CCDC171: variants seen among roughly 807,000 people sequenced by gnomAD.
CCDC171 encodes the protein coiled-coil domain containing 171.
CCDC171 carries 177 observed loss-of-function variants against 168.2 expected under a neutral mutation model. That is an observed-to-expected ratio of 1.05 (90% CI 0.93 to 1.19). The LOEUF (loss-of-function observed/expected upper bound fraction) is 1.19. Ranked by LOEUF, CCDC171 falls within the 50% of genes most tolerant of loss-of-function variation. The probability of loss-of-function intolerance (pLI) is 0.00; values close to 1 mark genes in which losing one functional copy is unlikely to be tolerated. For synonymous variants in CCDC171, 687 were observed against 540.8 expected, an observed-to-expected ratio of 1.27 and a Z score of -3.75; for missense variants, 1,991 against 1,539.0, an observed-to-expected ratio of 1.29 and a Z score of -4.91.
At chr9:15,831,267 C>T (rs927425278) in intron 21 of CCDC171, among the ~76,000 whole-genome samples, 6 of 151,970 alleles carry the variant, frequency 3.9e-5, no homozygotes, top group African/African-American at 7.3e-5. Context: ...CCACCATACC[C>T]GGCCCTTAAT....
chr9:15,606,167 T>C (rs1254930677), intron 6 of CCDC171, among the ~76,000 whole-genome samples: 1 of 152,192 alleles, frequency 6.6e-6, no homozygotes, highest in Non-Finnish European at 1.5e-5. Context: ...TGTATTCACT[T>C]ATTTTTGGAC....
chr9:16,025,022 G>T (rs1477286370), intron 6 of CCDC171, among the ~76,000 whole-genome samples: 1 of 152,180 alleles, frequency 6.6e-6, no homozygotes, highest in Non-Finnish European at 1.5e-5. Context: ...AATGTAAACT[G>T]GTACAGCCAC....
At chr9:15,790,733 T>C (rs1257480472) in intron 21 of CCDC171, among the ~76,000 whole-genome samples, 1 of 152,238 alleles carries the variant, frequency 6.6e-6, no homozygotes, top group Non-Finnish European at 1.5e-5. Context: ...GTTTCAGGTC[T>C]AACATTTAAG....
At chr9:15,742,009 A>G (rs898782926) in intron 16 of CCDC171, among the ~76,000 whole-genome samples, 1 of 152,078 alleles carries the variant, frequency 6.6e-6, no homozygotes, top group Admixed American at 6.5e-5. Context: ...ACTGAGGTTC[A>G]CTTTTATTTT....
chr9:15,955,587 T>C (rs1015366837), intron 25 of CCDC171, among the ~76,000 whole-genome samples: 2 of 152,136 alleles, frequency 1.3e-5, no homozygotes, highest in Non-Finnish European at 2.9e-5. Flanking sequence ...GAGCTAAAAT[T>C]GACTGAAATT....
rs372626407 is a variant in CCDC171 at position 15,614,726 on chromosome 9, A to G, written c.676-8541A>G. ...TCTTCATGTTGGATAATTTTTAAAAATATCATGTTTTCTCATTTTAAGAGT... is the reference window on the plus strand; with the variant it reads ...TCTTCATGTTGGATAATTTTTAAAAGTATCATGTTTTCTCATTTTAAGAGT... On this transcript the variant is annotated intron_variant, in intron 6 of 25. Coordinates refer to ENST00000380701, the MANE Select transcript of CCDC171 (RefSeq NM_173550.4). 6.6e-5 allele frequency among the ~76,000 whole-genome samples: 10 copies of G among 152,334 alleles called. No individual in the cohort carries two copies. The East Asian group carries it at 1.7e-3, about 26-fold the overall frequency.
chr9:15,671,690 A>T (rs573697298), intron 9 of CCDC171, among the ~76,000 whole-genome samples: 1 of 117,666 alleles, frequency 8.5e-6, no homozygotes, highest in African/African-American at 2.9e-5. Flanking sequence ...ACGTGAGCTC[A>T]TCCTTTTTTA....
rs774693773 is a variant in CCDC171 at position 15,727,859 on chromosome 9, T to C, written c.1693-10T>C. ...TACAGCAATTAATTTTTCTTTTTTTTTTCCTGCAGGAGAAGCTAACCTTCC... is the reference window on the plus strand; with the variant it reads ...TACAGCAATTAATTTTTCTTTTTTTCTTCCTGCAGGAGAAGCTAACCTTCC... On this transcript the variant is annotated splice_polypyrimidine_tract_variant and intron_variant, in intron 14 of 25. Coordinates refer to ENST00000380701, the MANE Select transcript of CCDC171 (RefSeq NM_173550.4). 6.3e-7 allele frequency: 1 copy of C among 1,596,354 alleles called. No individual in the cohort carries two copies. Among genetic ancestry groups the C allele is most frequent in the Non-Finnish European group, 8.5e-7 (1 of 1,173,206 alleles).
At chr9:16,088,269 C>T in the CCDC171 span, among the ~76,000 whole-genome samples, 271 of 152,290 alleles carry the variant, frequency 1.8e-3, 3 homozygotes, top group Non-Finnish European at 2.4e-3. Flanking sequence ...CAATATCATA[C>T]TGAATGGGCA....
At chr9:15,702,269 A>G (rs1438743395) in intron 11 of CCDC171, among the ~76,000 whole-genome samples, 1 of 152,096 alleles carries the variant, frequency 6.6e-6, no homozygotes, top group East Asian at 1.9e-4. Flanking sequence ...GTGCTCATTT[A>G]CCATTCAAAA....
intron 25 of CCDC171, among the ~76,000 whole-genome samples, chr9:15,962,036 A>G (rs966189136): frequency 2.0e-5 from 3 of 152,192 alleles, no homozygotes. Context: ...GAATAATAAC[A>G]TATCATGACA....
chr9:15,567,162 C>G (rs1299093381), intron 2 of CCDC171, among the ~76,000 whole-genome samples: 1 of 151,762 alleles, frequency 6.6e-6, no homozygotes, highest in Non-Finnish European at 1.5e-5. Flanking sequence ...GCTGGGATTA[C>G]AGGCACCTGC....
intron 1 of CCDC171, among the ~76,000 whole-genome samples, chr9:15,561,450 A>G (rs1385886605): frequency 6.6e-6 from 1 of 152,182 alleles, no homozygotes; most frequent in East Asian, 1.9e-4. Context: ...AGTTTGACCA[A>G]ATTGTGTATT....
intron 21 of CCDC171, among the ~76,000 whole-genome samples, chr9:15,835,286 T>C (rs980391647): frequency 6.6e-6 from 1 of 152,242 alleles, no homozygotes; most frequent in South Asian, 2.1e-4. Flanking sequence ...ATTTACCATT[T>C]GATAAAATGT....
At chr9:15,980,361 G>T (rs1020760433) in intron 3 of CCDC171, among the ~76,000 whole-genome samples, 1 of 152,270 alleles carries the variant, frequency 6.6e-6, no homozygotes, top group African/African-American at 2.4e-5. Flanking sequence ...TTGGACTCAA[G>T]TCAGATTTCT....
At chr9:15,808,274 T>C (rs375866325) in intron 21 of CCDC171, among the ~76,000 whole-genome samples, 6 of 152,162 alleles carry the variant, frequency 3.9e-5, no homozygotes, top group African/African-American at 1.2e-4. Context: ...TAGATAGAAA[T>C]ACAAATGGAG....
At chr9:15,834,703 G>A (rs1023718438) in intron 21 of CCDC171, among the ~76,000 whole-genome samples, 2 of 152,194 alleles carry the variant, frequency 1.3e-5, no homozygotes, top group Non-Finnish European at 2.9e-5. Flanking sequence ...AAACTGCAAA[G>A]GGTAAAGCAT....
chr9:16,054,872 C>T (rs960474386), intron 1 of CCDC171, among the ~76,000 whole-genome samples: 4 of 152,188 alleles, frequency 2.6e-5, no homozygotes, highest in African/African-American at 9.7e-5. Flanking sequence ...ACAACCCAGA[C>T]ACCCCCTCCC....
At chr9:15,605,586 C>T (rs2043165968) in intron 6 of CCDC171, among the ~76,000 whole-genome samples, 1 of 149,442 alleles carries the variant, frequency 6.7e-6, no homozygotes, top group Non-Finnish European at 1.5e-5. Flanking sequence ...ACTCAGGAGG[C>T]TGAGGCAGGA....
Sources: gnomAD v4.1 joint callset for allele counts (sites outside exome capture counted in the v4.1 genomes callset) on GRCh38, gnomAD v4.1.1 for gene constraint, MANE v1.5 for transcripts, NCBI Gene and HGNC (gene_info 2026-07-23, HGNC 2026-07-21) for gene names.